TLN2: variants seen among roughly 807,000 people sequenced by gnomAD.
The protein encoded by TLN2 is talin-2.
A neutral mutation model predicts 294.7 loss-of-function variants in TLN2; 118 were observed. The observed-to-expected ratio is 0.40, with a 90% CI of 0.34 to 0.47. The LOEUF is 0.47. Among genes scored for constraint, TLN2 ranks in the 20% least tolerant of loss-of-function variants. The pLI is 0.84. For missense variants in TLN2, 3,083 were observed against 3,282.2 expected, an observed-to-expected ratio of 0.94 and a Z score of 1.48; for synonymous variants, 1,431 against 1,304.5, an observed-to-expected ratio of 1.10 and a Z score of -2.09.
At chr15:62,712,479 G>T (rs959859736) in intron 22 of TLN2, among the ~76,000 whole-genome samples, 5 of 152,196 alleles carry the variant, frequency 3.3e-5, no homozygotes, top group African/African-American at 1.2e-4. Flanking sequence ...TCAAGATTTT[G>T]CACAGTAGAC....
rs1404355056 is a variant in TLN2 at position 62,819,563 on chromosome 15, C to T, written c.6819C>T (p.Phe2273=). The T allele has an allele frequency of 1.2e-6, 2 of 1,613,796 alleles. No individual in the cohort carries two copies. The highest frequency in any genetic ancestry group is 3.3e-5 in the Admixed American group (2 of 60,008). Residue 2273 remains phenylalanine, a synonymous_variant, in exon 53 of 59, where the codon TTC becomes TTT. Coordinates refer to ENST00000636159, the MANE Select transcript of TLN2 (RefSeq NM_015059.3). ...AATTCAAGCAGCAGCTGGCCGCTTTCTCCAAGCGAGTCGCCGGCGCTGTGA... is the reference window on the plus strand; with the variant it reads ...AATTCAAGCAGCAGCTGGCCGCTTTTTCCAAGCGAGTCGCCGGCGCTGTGA... ...TPEFKQQLAA[F]SKRVAGAVTE... is the part of the protein sequence containing the mutation.
intron 3 of TLN2, chr15:62,645,315 A>G (rs2051702023): frequency 6.6e-6 from 1 of 152,246 alleles, no homozygotes; most frequent in African/African-American, 2.4e-5. Flanking sequence ...CCTAGGCCTT[A>G]GTTACTTAAT....
chr15:62,601,377 G>T (rs181045388), intron 2 of TLN2, among the ~76,000 whole-genome samples: 2 of 152,150 alleles, frequency 1.3e-5, no homozygotes, highest in African/African-American at 4.8e-5. Context: ...TTTGGTGGTC[G>T]GTTTCCCATT....
intron 1 of TLN2, among the ~76,000 whole-genome samples, chr15:62,439,872 A>G (rs77100938): frequency 0.018 from 2,671 of 152,114 alleles, 35 homozygotes; most frequent in Non-Finnish European, 0.023. Flanking sequence ...GGGCAAGAAG[A>G]TGTTTGGTGT....
At chr15:62,396,060 T>G (rs549631402) in intron 1 of TLN2, among the ~76,000 whole-genome samples, 1 of 132,712 alleles carries the variant, frequency 7.5e-6, no homozygotes, top group African/African-American at 2.9e-5. Flanking sequence ...GTCTCGAACT[T>G]CTGACCCAAG....
At chr15:62,503,182 T>C (rs546261691) in intron 1 of TLN2, among the ~76,000 whole-genome samples, 43 of 152,294 alleles carry the variant, frequency 2.8e-4, no homozygotes, top group African/African-American at 9.6e-4. Flanking sequence ...ATAAAAGTAA[T>C]ATGTGTTCAT....
At chr15:62,555,662 G>C (rs1272977159) in intron 1 of TLN2, among the ~76,000 whole-genome samples, 1 of 152,164 alleles carries the variant, frequency 6.6e-6, no homozygotes, top group Non-Finnish European at 1.5e-5. Flanking sequence ...ATTTGTTCTT[G>C]TGTATGATAG....
At chr15:62,562,330 G>A (rs1190335549) in intron 1 of TLN2, among the ~76,000 whole-genome samples, 1 of 152,088 alleles carries the variant, frequency 6.6e-6, no homozygotes, top group East Asian at 1.9e-4. Flanking sequence ...AAGGCATCGT[G>A]GGACAGTTGC....
At chr15:62,773,809 A>T (rs2063510271) in intron 42 of TLN2, among the ~76,000 whole-genome samples, 1 of 152,246 alleles carries the variant, frequency 6.6e-6, no homozygotes, top group African/African-American at 2.4e-5. Context: ...GAAGGTAATT[A>T]TGAATACCTC....
chr15:62,738,942 A>G (rs1360376935), intron 30 of TLN2, among the ~76,000 whole-genome samples: 1 of 152,196 alleles, frequency 6.6e-6, no homozygotes, highest in African/African-American at 2.4e-5. Context: ...CGTGATTTGA[A>G]GTTTGAGAGC....
At chr15:62,478,796 G>T (rs2037925866) in intron 1 of TLN2, among the ~76,000 whole-genome samples, 1 of 152,182 alleles carries the variant, frequency 6.6e-6, no homozygotes, top group South Asian at 2.1e-4. Flanking sequence ...TTTTGTATTA[G>T]ATACGCAGTT....
chr15:62,435,653 T>A (rs1462082827), intron 1 of TLN2, among the ~76,000 whole-genome samples: 3 of 152,178 alleles, frequency 2.0e-5, no homozygotes, highest in African/African-American at 7.2e-5. Context: ...GCAACTCTCT[T>A]GCCTTAGCCT....
intron 1 of TLN2, among the ~76,000 whole-genome samples, chr15:62,395,861 A>G (rs2032500800): frequency 6.6e-6 from 1 of 151,856 alleles, no homozygotes; most frequent in Non-Finnish European, 1.5e-5. Context: ...TTTTTTTGAG[A>G]TGGTGTCTCA....
chr15:62,409,529 T>G (rs1040571865), intron 1 of TLN2, among the ~76,000 whole-genome samples: 1 of 152,242 alleles, frequency 6.6e-6, no homozygotes, highest in African/African-American at 2.4e-5. Context: ...TTATAAAAGC[T>G]CATGCAATTC....
intron 25 of TLN2, among the ~76,000 whole-genome samples, chr15:62,721,962 A>T (rs1015187210): frequency 1.6e-4 from 24 of 152,052 alleles, no homozygotes; most frequent in African/African-American, 5.8e-4. Context: ...TAGCTGTTTT[A>T]TTTATCTGTC....
intron 1 of TLN2, among the ~76,000 whole-genome samples, chr15:62,391,537 G>C (rs1398884255): frequency 6.6e-6 from 1 of 152,250 alleles, no homozygotes; most frequent in Non-Finnish European, 1.5e-5. Context: ...CATATTTTCA[G>C]TGGGTCTTGA....
At chr15:62,753,699 T>C in intron 35 of TLN2, 74 bp from the exon 36 acceptor site, 2 of 1,522,152 alleles carry the variant, frequency 1.3e-6, no homozygotes, top group Non-Finnish European at 1.8e-6. Context: ...GCATGTGTAG[T>C]GCGGACCATC....
At chr15:62,477,705 G>C (rs954338364) in intron 1 of TLN2, among the ~76,000 whole-genome samples, 5 of 152,040 alleles carry the variant, frequency 3.3e-5, no homozygotes, top group African/African-American at 1.2e-4. Flanking sequence ...TATCTGCTGG[G>C]CCCATGGGGC....
At chr15:62,402,650 A>C (rs911594187) in intron 1 of TLN2, among the ~76,000 whole-genome samples, 1 of 152,098 alleles carries the variant, frequency 6.6e-6, no homozygotes. Context: ...TCTTGCTTTT[A>C]ATTTATGGCC....
Sources: allele counts gnomAD v4.1 joint callset (sites outside exome capture counted in the v4.1 genomes callset), GRCh38; gene constraint gnomAD v4.1.1; transcripts MANE v1.5; gene names NCBI Gene and HGNC (gene_info 2026-07-23, HGNC 2026-07-21).